The following DLG2 variants were observed in gnomAD, a reference collection of about 807,000 sequenced individuals.
DLG2 encodes discs large MAGUK scaffold protein 2, also known as disks large homolog 2.
DLG2 carries 45 observed loss-of-function variants against 132.5 expected under a neutral mutation model. That is an observed-to-expected ratio of 0.34 (90% CI 0.27 to 0.44). The LOEUF (loss-of-function observed/expected upper bound fraction) is 0.44, where lower values mean the gene tolerates loss of function less well. DLG2 is among the 20% of genes least tolerant of loss of function. DLG2 has a pLI of 1.00. For missense variants in DLG2, 1,045 were observed against 1,196.9 expected, an observed-to-expected ratio of 0.87 and a Z score of 1.87; for synonymous variants, 424 against 419.6, an observed-to-expected ratio of 1.01 and a Z score of -0.13.
chr11:83,503,420 T>TATATATATATAGATAG (rs1555118627), intron 21 of DLG2, among the ~76,000 whole-genome samples: 1 of 78,384 alleles, frequency 1.3e-5, no homozygotes, highest in African/African-American at 4.0e-5. Context: ...TATATATATA[T>TATATATATATAGATAG]ATAGATAGAT....
intron 7 of DLG2, among the ~76,000 whole-genome samples, chr11:84,312,563 A>T (rs943845129): frequency 6.6e-6 from 1 of 152,218 alleles, no homozygotes; most frequent in Non-Finnish European, 1.5e-5. Flanking sequence ...CAAGTATTTC[A>T]ATTTTTTAAC....
At chr11:83,619,943 G>A (rs1411385562) in intron 19 of DLG2, among the ~76,000 whole-genome samples, 1 of 152,152 alleles carries the variant, frequency 6.6e-6, no homozygotes, top group East Asian at 1.9e-4. Flanking sequence ...TTTGTCTACA[G>A]TAAGAGCTAC....
chr11:84,523,507 A>G (rs887238778), intron 7 of DLG2, among the ~76,000 whole-genome samples: 9 of 152,230 alleles, frequency 5.9e-5, no homozygotes, highest in African/African-American at 2.2e-4. Context: ...CAGAGTTTGG[A>G]AAAATTTCCG....
intron 7 of DLG2, among the ~76,000 whole-genome samples, chr11:84,272,717 T>C (rs10792748): frequency 0.65 from 98,952 of 152,008 alleles, 32,602 homozygotes; most frequent in Middle Eastern, 0.75. Flanking sequence ...TTTTGGTGGG[T>C]TTTACTTGGA....
intron 18 of DLG2, among the ~76,000 whole-genome samples, chr11:83,747,545 AT>A (rs1283936092): frequency 6.6e-6 from 1 of 151,962 alleles, no homozygotes. Context: ...TTACTTGTGT[AT>A]TTTTGTAGAG....
intron 3 of DLG2, among the ~76,000 whole-genome samples, chr11:85,510,237 G>T (rs1222367706): frequency 6.6e-6 from 1 of 151,982 alleles, no homozygotes; most frequent in African/African-American, 2.4e-5. Context: ...AGAGGCTAAA[G>T]AGGTAGGCAG....
intron 7 of DLG2, among the ~76,000 whole-genome samples, chr11:84,283,017 A>G (rs1309304813): frequency 1.3e-5 from 2 of 152,200 alleles, no homozygotes; most frequent in Non-Finnish European, 2.9e-5. Flanking sequence ...AGTATGTACT[A>G]TGTCATATAT....
intron 7 of DLG2, among the ~76,000 whole-genome samples, chr11:84,257,682 T>A (rs1202759038): frequency 1.5e-5 from 2 of 135,136 alleles, no homozygotes; most frequent in African/African-American, 6.5e-5. Context: ...TCTCTGGATT[T>A]TTTTTTTTTT....
intron 6 of DLG2, among the ~76,000 whole-genome samples, chr11:84,957,731 C>A (rs764376122): frequency 2.6e-5 from 4 of 152,194 alleles, no homozygotes; most frequent in Non-Finnish European, 4.4e-5. Flanking sequence ...TTCTCTACCT[C>A]AGTGAGTGAA....
chr11:84,709,032 A>G (rs999637814), intron 6 of DLG2, among the ~76,000 whole-genome samples: 1 of 151,920 alleles, frequency 6.6e-6, no homozygotes, highest in Non-Finnish European at 1.5e-5. Context: ...AATAACACAC[A>G]CATTACTGAA....
intron 4 of DLG2, among the ~76,000 whole-genome samples, chr11:85,250,541 C>T (rs1244898313): frequency 6.6e-6 from 1 of 152,088 alleles, no homozygotes; most frequent in Admixed American, 6.6e-5. Flanking sequence ...GGGAAAGGCT[C>T]TCATGTTTTT....
intron 6 of DLG2, among the ~76,000 whole-genome samples, chr11:84,914,624 A>G (rs1235357257): frequency 1.3e-5 from 2 of 152,184 alleles, no homozygotes; most frequent in Non-Finnish European, 2.9e-5. Flanking sequence ...GGGGAACCTA[A>G]GTCTAATAAG....
intron 15 of DLG2, among the ~76,000 whole-genome samples, chr11:83,919,078 T>C (rs2077413503): frequency 6.6e-6 from 1 of 152,124 alleles, no homozygotes. Context: ...AAGGAAAGTG[T>C]TGTATTGTGA....
intron 18 of DLG2, among the ~76,000 whole-genome samples, chr11:83,774,405 C>G (rs946713724): frequency 6.6e-6 from 1 of 152,102 alleles, no homozygotes; most frequent in South Asian, 2.1e-4. Flanking sequence ...TGTACGCCTT[C>G]GTTTAATCCC....
intron 11 of DLG2, among the ~76,000 whole-genome samples, chr11:84,039,166 C>T (rs1048335196): frequency 6.6e-6 from 1 of 151,628 alleles, no homozygotes; most frequent in African/African-American, 2.4e-5. Context: ...ACTTTAAGTG[C>T]ATTCATTCAT....
chr11:85,113,285 T>C (rs918200403), intron 5 of DLG2, among the ~76,000 whole-genome samples: 4 of 152,030 alleles, frequency 2.6e-5, no homozygotes, highest in African/African-American at 7.2e-5. Flanking sequence ...TCACAGATAA[T>C]AGATATAGAT....
At chr11:84,998,207 T>G (rs2057858192) in intron 6 of DLG2, among the ~76,000 whole-genome samples, 1 of 152,082 alleles carries the variant, frequency 6.6e-6, no homozygotes, top group Non-Finnish European at 1.5e-5. Flanking sequence ...CACCCAAATC[T>G]CACCTTGAAT....
chr11:84,501,412 A>T (rs2099204701), intron 7 of DLG2, among the ~76,000 whole-genome samples: 2 of 152,128 alleles, frequency 1.3e-5, no homozygotes, highest in South Asian at 4.1e-4. Context: ...TAAAAATACA[A>T]ATATTAGCCA....
At chr11:83,605,260 G>A (rs192233569) in intron 19 of DLG2, among the ~76,000 whole-genome samples, 95 of 152,264 alleles carry the variant, frequency 6.2e-4, no homozygotes, top group Non-Finnish European at 1.0e-3. Flanking sequence ...ATGAGATGCT[G>A]CCTGATTCAT....
Sources: gnomAD v4.1 joint callset for allele counts (sites outside exome capture counted in the v4.1 genomes callset) on GRCh38, gnomAD v4.1.1 for gene constraint, MANE v1.5 for transcripts, NCBI Gene and HGNC (gene_info 2026-07-23, HGNC 2026-07-21) for gene names.